ACBD3: variants seen among roughly 807,000 people sequenced by gnomAD.
ACBD3 encodes acyl-CoA binding domain containing 3.
A neutral mutation model predicts 66.9 loss-of-function variants in ACBD3; 30 were observed. The observed-to-expected ratio is 0.45, with a 90% CI of 0.34 to 0.61. The LOEUF (loss-of-function observed/expected upper bound fraction) is 0.61. ACBD3 is among the 20% of genes least tolerant of loss of function. The pLI is 0.02. For synonymous variants in ACBD3, 278 were observed against 259.8 expected (o/e 1.07, Z -0.68); for missense variants, 544 against 664.5 (o/e 0.82, Z 1.99).
At chr1:226,169,107 C>T (rs1459114702) in intron 1 of ACBD3, among the ~76,000 whole-genome samples, 1 of 152,202 alleles carries the variant, frequency 6.6e-6, no homozygotes, top group Non-Finnish European at 1.5e-5. Flanking sequence ...AGGTGATCCA[C>T]CCATCTCAGC....
At chr1:226,169,212 C>T (rs1479124994) in intron 1 of ACBD3, among the ~76,000 whole-genome samples, 1 of 151,814 alleles carries the variant, frequency 6.6e-6, no homozygotes, top group Non-Finnish European at 1.5e-5. Flanking sequence ...GCTCCAGCTC[C>T]TGATCTTAGC....
Position 226,158,115 on chromosome 1 carries a change from C to A in ACBD3, c.903+1069G>T, listed in dbSNP as rs543191593. On this transcript the variant is annotated intron_variant, in intron 5 of 7. Coordinates refer to ENST00000366812, the MANE Select transcript of ACBD3 (RefSeq NM_022735.4). ...TCCTCCTCTTCAGGATTACAAAAAA[C>A]TTGCAGTGCTTTTTAACTTCTAACT... Among the ~76,000 whole-genome samples, 13 of 152,330 alleles carry A rather than the reference C, an allele frequency of 8.5e-5. No individual in the cohort carries two copies. In the East Asian group the frequency reaches 2.5e-3, roughly 29 times the overall value.
rs374506795 is a variant in ACBD3 at position 226,159,332 on chromosome 1, G to A, written c.755C>T (p.Ser252Phe). 5.0e-5 allele frequency: 81 copies of A among 1,613,984 alleles called. No homozygotes were observed. Among genetic ancestry groups the A allele is most frequent in the Admixed American group, 2.3e-4 (14 of 59,984 alleles). ...QKQQIMAALN[S>F]QTAVQFQQYA... ...CTGCTGGAACTGCACGGCAGTCTGG[G>A]AGTTTAAAGCTGCCATTATCTGCTG... Residue 252 changes from serine (S) to phenylalanine (F), a missense_variant, in exon 5 of 8, where the codon TCC becomes TTC. Coordinates refer to ENST00000366812, the MANE Select transcript of ACBD3 (RefSeq NM_022735.4).
chr1:226,161,144 T>C (rs1390284395), intron 4 of ACBD3, among the ~76,000 whole-genome samples: 6 of 113,602 alleles, frequency 5.3e-5, no homozygotes, highest in Admixed American at 3.9e-4. Flanking sequence ...TCTAATACAT[T>C]CCTTTTTTTT....
Position 226,186,690 on chromosome 1 carries a change from C to G in ACBD3, c.-15G>C. 6.7e-7 allele frequency: 1 copy of G among 1,482,418 alleles called. No individual in the cohort carries two copies. Among genetic ancestry groups the G allele is most frequent in the Non-Finnish European group, 8.9e-7 (1 of 1,121,810 alleles). The allele number at this position is 1,482,418 out of a possible 1,614,324, so 91.8% of individuals were successfully genotyped here. Reference sequence around the variant, plus strand: ...ACCGCCGCCATCTCCGGCTGCTGCACCTCCTCAGCGGGGACAGACGGCAGC... The same window carrying G: ...ACCGCCGCCATCTCCGGCTGCTGCAGCTCCTCAGCGGGGACAGACGGCAGC... On this transcript the variant is annotated 5_prime_UTR_variant, in exon 1 of 8. Coordinates refer to ENST00000366812, the MANE Select transcript of ACBD3 (RefSeq NM_022735.4).
At position 226,154,848 on chromosome 1, in the gene ACBD3, A is replaced by G; in HGVS notation, c.904-15T>C. On this transcript the variant is annotated splice_polypyrimidine_tract_variant and intron_variant, in intron 5 of 7. Transcript: ENST00000366812. ...TGTAATGCTGCCTACAAACCAAGAG[A>G]AAGTGAAGACACACTGACCAGGAAG... The G allele has an allele frequency of 1.3e-6, 2 of 1,593,718 alleles. No individual in the cohort carries two copies. The highest frequency in any genetic ancestry group is 1.7e-6 in the Non-Finnish European group (2 of 1,168,914).
chr1:226,179,332 G>A (rs1226042104), intron 1 of ACBD3, among the ~76,000 whole-genome samples: 1 of 152,042 alleles, frequency 6.6e-6, no homozygotes, highest in Non-Finnish European at 1.5e-5. Flanking sequence ...TTCTGAATGA[G>A]CTCCATTTTG....
At chr1:226,170,259 G>A (rs1166142184) in intron 1 of ACBD3, among the ~76,000 whole-genome samples, 10 of 147,476 alleles carry the variant, frequency 6.8e-5, no homozygotes, top group South Asian at 2.1e-4. Context: ...CTGGGTTCAC[G>A]CCATTCTCCT....
In ACBD3 at chr1:226,159,307, C is replaced by T. The variant is rs1249914406; in HGVS notation, c.780G>A (p.Gln260=). Residue 260 remains glutamine, a synonymous_variant, in exon 5 of 8, where the codon CAG becomes CAA. Coordinates refer to ENST00000366812, the MANE Select transcript of ACBD3 (RefSeq NM_022735.4). ...LNSQTAVQFQ[Q]YAAQQYPGNY... is the part of the protein sequence containing the mutation. The stretch of plus-strand genomic sequence containing the variant: ...TCCCTGGATACTGTTGGGCTGCATA[C>T]TGCTGGAACTGCACGGCAGTCTGGG... 1.9e-6 allele frequency: 3 copies of T among 1,614,066 alleles called. No homozygotes were observed. The highest frequency in any genetic ancestry group is 2.5e-6 in the Non-Finnish European group (3 of 1,180,044).
intron 5 of ACBD3, among the ~76,000 whole-genome samples, chr1:226,155,710 A>AT: frequency 1.3e-5 from 2 of 152,304 alleles, no homozygotes; most frequent in East Asian, 1.9e-4. Flanking sequence ...AATAAATTAA[A>AT]ACTTCAGGGA....
intron 1 of ACBD3, among the ~76,000 whole-genome samples, chr1:226,177,585 A>G (rs1481919517): frequency 6.6e-6 from 1 of 152,062 alleles, no homozygotes; most frequent in Non-Finnish European, 1.5e-5. Flanking sequence ...TTTACTATAC[A>G]AATCAGATCT....
chr1:226,172,714 G>A (rs1264567743), intron 1 of ACBD3, among the ~76,000 whole-genome samples: 1 of 152,120 alleles, frequency 6.6e-6, no homozygotes, highest in African/African-American at 2.4e-5. Flanking sequence ...GGAGGCTGAA[G>A]GGGGAGGATC....
intron 7 of ACBD3, among the ~76,000 whole-genome samples, chr1:226,149,051 C>A (rs1193033434): frequency 1.3e-5 from 2 of 152,120 alleles, no homozygotes; most frequent in South Asian, 2.1e-4. Flanking sequence ...TAGAAATGAA[C>A]CCCTGCCATT....
chr1:226,149,913 A>C (rs1659534829), intron 7 of ACBD3, among the ~76,000 whole-genome samples: 1 of 152,006 alleles, frequency 6.6e-6, no homozygotes, highest in Non-Finnish European at 1.5e-5. Context: ...ATCTGCAGAC[A>C]GTCTGACTTT....
At chr1:226,185,385 T>G (rs12033959) in intron 1 of ACBD3, among the ~76,000 whole-genome samples, 23,998 of 152,204 alleles carry the variant, frequency 0.16, 1,983 homozygotes, top group East Asian at 0.22. Context: ...TAGTAAAATA[T>G]GTACTCCAAA....
At chr1:226,178,443 C>T (rs1293587216) in intron 1 of ACBD3, among the ~76,000 whole-genome samples, 7 of 151,662 alleles carry the variant, frequency 4.6e-5, no homozygotes, top group African/African-American at 1.7e-4. Flanking sequence ...GGCATGGTGG[C>T]GGGCGCCTGT....
intron 7 of ACBD3, chr1:226,148,069 G>GT (rs1339419013): frequency 6.6e-6 from 1 of 152,188 alleles, no homozygotes; most frequent in Non-Finnish European, 1.5e-5. Context: ...TTAAAACAAG[G>GT]TAAGTTTGAG....
At chr1:226,164,421 G>C (rs1002669117) in intron 3 of ACBD3, among the ~76,000 whole-genome samples, 1 of 152,170 alleles carries the variant, frequency 6.6e-6, no homozygotes, top group Non-Finnish European at 1.5e-5. Context: ...TGGAGCATGA[G>C]GATTCTAGAA....
intron 1 of ACBD3, among the ~76,000 whole-genome samples, chr1:226,183,840 C>T (rs1005913787): frequency 5.7e-5 from 8 of 140,920 alleles, no homozygotes; most frequent in Admixed American, 1.5e-4. Flanking sequence ...GCTGAGATCG[C>T]GCCATTGCAC....
Sources: gnomAD v4.1 joint callset for allele counts (sites outside exome capture counted in the v4.1 genomes callset) on GRCh38, gnomAD v4.1.1 for gene constraint, MANE v1.5 for transcripts, NCBI Gene and HGNC (gene_info 2026-07-23, HGNC 2026-07-21) for gene names.